The following GRIN2A variants were observed in gnomAD, a reference collection of about 807,000 sequenced individuals.
GRIN2A encodes glutamate ionotropic receptor NMDA type subunit 2A.
A neutral mutation model predicts 113.4 loss-of-function variants in GRIN2A; 22 were observed. The observed-to-expected ratio is 0.19, with a 90% CI of 0.14 to 0.28. GRIN2A has a LOEUF of 0.28. GRIN2A is among the 10% of genes least tolerant of loss of function. The pLI is 1.00. For missense variants in GRIN2A, 1,502 were observed against 1,887.0 expected (o/e 0.80, Z 3.78); for synonymous variants, 827 against 738.4 (o/e 1.12, Z -1.94).
At chr16:9,901,459 C>T (rs1276923519) in intron 3 of GRIN2A, among the ~76,000 whole-genome samples, 5 of 152,108 alleles carry the variant, frequency 3.3e-5, no homozygotes, top group Non-Finnish European at 7.4e-5. Flanking sequence ...GGGGAAAATA[C>T]ATATTATATA....
chr16:10,120,508 T>G (rs1236601032), intron 2 of GRIN2A, among the ~76,000 whole-genome samples: 1 of 152,168 alleles, frequency 6.6e-6, no homozygotes, highest in East Asian at 1.9e-4. Flanking sequence ...AGCTTCCTCA[T>G]TCATGAAACA....
chr16:10,127,923 C>T (rs1443099355), intron 2 of GRIN2A, among the ~76,000 whole-genome samples: 1 of 151,914 alleles, frequency 6.6e-6, no homozygotes, highest in African/African-American at 2.4e-5. Context: ...GGCCTTGGGT[C>T]ACACCAGAGA....
intron 2 of GRIN2A, among the ~76,000 whole-genome samples, chr16:9,958,562 C>G (rs2045357655): frequency 6.6e-6 from 1 of 152,064 alleles, no homozygotes; most frequent in South Asian, 2.1e-4. Flanking sequence ...TAAGTAGATT[C>G]TGAAGCAAAT....
At chr16:9,880,871 C>G (rs769627351) in intron 4 of GRIN2A, among the ~76,000 whole-genome samples, 3 of 152,198 alleles carry the variant, frequency 2.0e-5, no homozygotes, top group Non-Finnish European at 4.4e-5. Context: ...TCTCTAAACA[C>G]CTGGAGTTGC....
chr16:9,768,075 G>C (rs1390557547), intron 12 of GRIN2A, among the ~76,000 whole-genome samples: 1 of 152,026 alleles, frequency 6.6e-6, no homozygotes, highest in Non-Finnish European at 1.5e-5. Context: ...TTTTTTGTGA[G>C]ACGGAGTCTC....
chr16:9,973,935 C>A (rs886127454), intron 2 of GRIN2A, among the ~76,000 whole-genome samples: 2 of 152,028 alleles, frequency 1.3e-5, no homozygotes, highest in African/African-American at 4.8e-5. Context: ...CAAGCTGATA[C>A]AAGAGAAAAT....
At chr16:9,879,632 G>C (rs1034978723) in intron 4 of GRIN2A, among the ~76,000 whole-genome samples, 2 of 152,160 alleles carry the variant, frequency 1.3e-5, no homozygotes, top group African/African-American at 4.8e-5. Context: ...TAAAGAAGCA[G>C]TGTAGCTCAT....
intron 4 of GRIN2A, among the ~76,000 whole-genome samples, chr16:9,852,347 A>C (rs186423813): frequency 6.6e-6 from 1 of 152,276 alleles, no homozygotes; most frequent in East Asian, 1.9e-4. Context: ...ATGTTTCCTA[A>C]AGTCCCAAGA....
chr16:9,915,726 T>G (rs1036840589), intron 3 of GRIN2A, among the ~76,000 whole-genome samples: 1 of 152,190 alleles, frequency 6.6e-6, no homozygotes, highest in Non-Finnish European at 1.5e-5. Context: ...GTTAAATTAT[T>G]TGGGTTTGTG....
At chr16:9,890,928 C>T (rs2043681577) in intron 4 of GRIN2A, 58 bp downstream of exon 4, 2 of 1,040,266 alleles carry the variant, frequency 1.9e-6, no homozygotes, top group Non-Finnish European at 3.0e-6. Flanking sequence ...ACTGTGAGCC[C>T]CTTTATTGCC....
At chr16:10,149,419 G>T (rs532332856) in intron 2 of GRIN2A, among the ~76,000 whole-genome samples, 3 of 152,076 alleles carry the variant, frequency 2.0e-5, no homozygotes, top group Non-Finnish European at 4.4e-5. Context: ...TTGCCCAGTG[G>T]GGCAACCTGG....
At chr16:10,140,403 A>G (rs530205771) in intron 2 of GRIN2A, among the ~76,000 whole-genome samples, 3 of 152,274 alleles carry the variant, frequency 2.0e-5, no homozygotes, top group South Asian at 2.1e-4. Flanking sequence ...TCCCAAAAAG[A>G]GAGTTGACAC....
At chr16:9,857,614 C>A (rs13330485) in intron 4 of GRIN2A, among the ~76,000 whole-genome samples, 4,220 of 152,228 alleles carry the variant, frequency 0.028, 195 homozygotes, top group African/African-American at 0.096. Context: ...GCCACTTGGG[C>A]AAATTTCTTA....
At chr16:9,972,632 GAACT>G (rs1411019716) in intron 2 of GRIN2A, among the ~76,000 whole-genome samples, 1 of 152,234 alleles carries the variant, frequency 6.6e-6, no homozygotes, top group African/African-American at 2.4e-5. Flanking sequence ...TTACTGGATA[GAACT>G]AACATGAGAA....
chr16:9,863,969 T>G (rs1252217306), intron 4 of GRIN2A, among the ~76,000 whole-genome samples: 1 of 152,146 alleles, frequency 6.6e-6, no homozygotes, highest in African/African-American at 2.4e-5. Flanking sequence ...AAACAGGAAT[T>G]GGGGCTGGGG....
chr16:9,810,345 G>A (rs372817697), intron 10 of GRIN2A, among the ~76,000 whole-genome samples: 25 of 152,274 alleles, frequency 1.6e-4, no homozygotes, highest in African/African-American at 5.1e-4. Flanking sequence ...CACTGATGTC[G>A]GATACCTATC....
In GRIN2A at chr16:10,044,404, A is replaced by G. The variant is rs150300741; in HGVS notation, c.415-105853T>C. 3.0e-3 allele frequency among the ~76,000 whole-genome samples: 449 copies of G among 151,884 alleles called. 5 individuals are homozygous for G. The highest frequency in any genetic ancestry group is 0.014 in the Middle Eastern group (4 of 294). ...GTGTACATGGCTTTTTGCTGCACAG[A>G]AAAGTTTGACTTGCCTGCCCTCCTT... On this transcript the variant is annotated intron_variant, in intron 2 of 12. Coordinates refer to ENST00000330684, the MANE Select transcript of GRIN2A (RefSeq NM_001134407.3).
chr16:10,181,693 GTTCCT>G (rs2050275054), intron 1 of GRIN2A, 179 bp downstream of exon 1: 4 of 152,460 alleles, frequency 2.6e-5, no homozygotes. Context: ...AGGCCTCGAC[GTTCCT>G]GGGTAAGCGC....
intron 2 of GRIN2A, among the ~76,000 whole-genome samples, chr16:9,987,719 C>T (rs1004950637): frequency 6.6e-6 from 1 of 152,136 alleles, no homozygotes; most frequent in African/African-American, 2.4e-5. Context: ...CTCTGCACAG[C>T]CTATGTCAGA....
Sources: allele counts gnomAD v4.1 joint callset (sites outside exome capture counted in the v4.1 genomes callset), GRCh38; gene constraint gnomAD v4.1.1; transcripts MANE v1.5; gene names NCBI Gene and HGNC (gene_info 2026-07-23, HGNC 2026-07-21).